ADAM23: variants seen among roughly 807,000 people sequenced by gnomAD.
ADAM23 encodes the protein ADAM metallopeptidase domain 23.
In ADAM23, 33 loss-of-function variants were observed where a neutral mutation model predicts 120.1. The observed-to-expected ratio is 0.27, with a 90% CI of 0.21 to 0.37. ADAM23 has a LOEUF of 0.37. ADAM23 is among the 10% of genes least tolerant of loss of function. ADAM23 has a pLI of 1.00. For synonymous variants in ADAM23, 367 were observed against 375.2 expected (o/e 0.98, Z 0.25); for missense variants, 862 against 1,058.2 (o/e 0.81, Z 2.57).
At chr2:206,511,717 TC>T (rs754936206) in intron 3 of ADAM23, among the ~76,000 whole-genome samples, 1 of 152,234 alleles carries the variant, frequency 6.6e-6, no homozygotes, top group South Asian at 2.1e-4. Context: ...CTTAGACTTC[TC>T]AGTATTTAGC....
intron 3 of ADAM23, among the ~76,000 whole-genome samples, chr2:206,506,701 T>G (rs971585575): frequency 2.6e-5 from 4 of 152,244 alleles, no homozygotes; most frequent in Non-Finnish European, 4.4e-5. Context: ...TTTATTTTTC[T>G]GGATGTTTGC....
chr2:206,579,308 A>G (rs1411478287), intron 18 of ADAM23, among the ~76,000 whole-genome samples: 1 of 152,120 alleles, frequency 6.6e-6, no homozygotes, highest in Non-Finnish European at 1.5e-5. Flanking sequence ...ATCTTTGCCT[A>G]TAAGCCAATG....
In ADAM23 at chr2:206,582,084, G is replaced by C. The variant is rs967459103; in HGVS notation, c.1738-5241G>C. On this transcript the variant is annotated intron_variant, in intron 18 of 25. Transcript: ENST00000264377. Reference sequence around the variant, plus strand: ...GTAGAGACAGAGTTTCACTATGTTGGTCAGGCTGGTCTCGAATTCTTGACC... The same window carrying C: ...GTAGAGACAGAGTTTCACTATGTTGCTCAGGCTGGTCTCGAATTCTTGACC... 3.3e-5 allele frequency among the ~76,000 whole-genome samples: 5 copies of C among 152,140 alleles called. No homozygotes were observed. In the East Asian group the frequency reaches 9.6e-4, roughly 29 times the overall value.
chr2:206,567,129 G>C, intron 14 of ADAM23, 94 bp from the exon 15 acceptor site: 1 of 975,152 alleles, frequency 1.0e-6, no homozygotes, highest in Non-Finnish European at 1.6e-6. Context: ...TGGATTCAAA[G>C]TGAACATTTT....
rs185811932 is a variant in ADAM23, at chr2:206,563,411, A to G, written c.1345+1118A>G. On this transcript the variant is annotated intron_variant, in intron 13 of 25. Transcript: ENST00000264377. ...CAATTCCCTTTATGGGTACATTAAG[A>G]TAGTCATCACAAGTGTCTGGTGGCA... Among the ~76,000 whole-genome samples, 13 of 152,320 alleles carry G rather than the reference A, an allele frequency of 8.5e-5. No individual in the cohort carries two copies. The East Asian group carries it at 1.7e-3, about 20-fold the overall frequency.
Position 206,445,289 on chromosome 2 carries a change from C to T in ADAM23, c.215-18C>T, listed in dbSNP as rs1337548341. ...TATGTTTGTATTTTCTGCTCCCCCACCCCCCTACCTCCACCAGCTCCGCAT... is the reference window on the plus strand; with the variant it reads ...TATGTTTGTATTTTCTGCTCCCCCATCCCCCTACCTCCACCAGCTCCGCAT... On this transcript the variant is annotated intron_variant, in intron 1 of 25. Transcript: ENST00000264377. The T allele has an allele frequency of 1.9e-6, 3 of 1,594,816 alleles. No individual in the cohort carries two copies. Among genetic ancestry groups the T allele is most frequent in the Non-Finnish European group, 2.6e-6 (3 of 1,164,000 alleles).
chr2:206,556,790 T>A (rs1697652515), intron 9 of ADAM23, among the ~76,000 whole-genome samples: 1 of 152,164 alleles, frequency 6.6e-6, no homozygotes. Flanking sequence ...ATGGCTTCAT[T>A]TGGAGGAGGC....
intron 2 of ADAM23, among the ~76,000 whole-genome samples, chr2:206,474,180 C>T (rs892547421): frequency 2.0e-5 from 3 of 152,062 alleles, no homozygotes; most frequent in African/African-American, 7.2e-5. Context: ...TATTTTTCTC[C>T]TTCAAACTAC....
chr2:206,506,846 G>A (rs1696507003), intron 3 of ADAM23, among the ~76,000 whole-genome samples: 1 of 152,136 alleles, frequency 6.6e-6, no homozygotes, highest in Non-Finnish European at 1.5e-5. Flanking sequence ...AGTAAAATGA[G>A]AAAAATCTTG....
intron 21 of ADAM23, among the ~76,000 whole-genome samples, 198 bp from the exon 22 acceptor site, chr2:206,592,419 T>C (rs542149274): frequency 3.3e-5 from 5 of 152,292 alleles, no homozygotes; most frequent in East Asian, 3.9e-4. Context: ...CTGGGCACTT[T>C]GCTGTTCCAA....
chr2:206,600,184 A>G (rs1461737184), intron 24 of ADAM23, among the ~76,000 whole-genome samples: 1 of 152,174 alleles, frequency 6.6e-6, no homozygotes, highest in African/African-American at 2.4e-5. Flanking sequence ...CCTGGGCAAC[A>G]GAGTGAGACA....
chr2:206,617,455 A>G, intron 25 of ADAM23, 124 bp from the exon 26 acceptor site: 2 of 1,057,538 alleles, frequency 1.9e-6, no homozygotes, highest in Non-Finnish European at 2.6e-6. Flanking sequence ...CCTCCATGTG[A>G]GTTAATTACT....
chr2:206,507,549 G>A (rs898231192), intron 3 of ADAM23, among the ~76,000 whole-genome samples: 1 of 152,152 alleles, frequency 6.6e-6, no homozygotes. Context: ...ATAGCCTACA[G>A]AACTGTGAAC....
intron 24 of ADAM23, among the ~76,000 whole-genome samples, chr2:206,609,380 C>A (rs1221103495): frequency 6.6e-6 from 1 of 152,180 alleles, no homozygotes. Flanking sequence ...CTTCAAAAGT[C>A]AGATCTGTAT....
At chr2:206,588,067 T>A in intron 19 of ADAM23, 24 bp from the exon 20 acceptor site, 1 of 1,613,648 alleles carries the variant, frequency 6.2e-7, no homozygotes, top group Non-Finnish European at 8.5e-7. Context: ...TCTGTGTGCC[T>A]CACATGTGTG....
chr2:206,594,919 A>G lies in ADAM23; in HGVS notation c.2247+14A>G. The G allele has an allele frequency of 6.2e-7, 1 of 1,613,768 alleles. No homozygotes were observed. The highest frequency in any genetic ancestry group is 8.5e-7 in the Non-Finnish European group (1 of 1,179,754). ...TCGGGCCATGGGGTAAGTAGGTATC[A>G]ATGTGACAGCTGGAACCTTCATGGT... On this transcript the variant is annotated intron_variant, in intron 23 of 25. Coordinates refer to ENST00000264377, the MANE Select transcript of ADAM23 (RefSeq NM_003812.4).
At chr2:206,474,270 G>A (rs1363166259) in intron 2 of ADAM23, among the ~76,000 whole-genome samples, 1 of 152,118 alleles carries the variant, frequency 6.6e-6, no homozygotes, top group Non-Finnish European at 1.5e-5. Context: ...ATTTGCAGCT[G>A]TTTCACTTCT....
rs773028878 is a variant in ADAM23 at position 206,565,025 on chromosome 2, G to T, written c.1351G>T (p.Asp451Tyr). The T allele has an allele frequency of 6.2e-7, 1 of 1,614,018 alleles. No homozygotes were observed. Among genetic ancestry groups the T allele is most frequent in the South Asian group, 1.1e-5 (1 of 91,064 alleles). Residue 451 changes from aspartate (D) to tyrosine (Y), a missense_variant, in exon 14 of 26, where the codon GAC becomes TAC. Physicochemically the swap from Asp to Tyr is radical, Grantham distance 160. Coordinates refer to ENST00000264377, the MANE Select transcript of ADAM23 (RefSeq NM_003812.4). ...TTATTGTTTTATTGGACCAGAATGT[G>T]ACTGCACAGAATCCTGGGGTGGCTG... ...WEPSSRKPKC[D>Y]CTESWGGCIM...
intron 18 of ADAM23, among the ~76,000 whole-genome samples, chr2:206,574,316 TTGTTTTA>T (rs1216929752): frequency 1.3e-5 from 2 of 152,122 alleles, no homozygotes; most frequent in African/African-American, 4.8e-5. Flanking sequence ...TGAATATGCT[TTGTTTTA>T]TGTTTTATTT....
Sources: gnomAD v4.1 joint callset for allele counts (sites outside exome capture counted in the v4.1 genomes callset) on GRCh38, gnomAD v4.1.1 for gene constraint, MANE v1.5 for transcripts, NCBI Gene and HGNC (gene_info 2026-07-23, HGNC 2026-07-21) for gene names.